Variants in DPP8 observed in about 807,000 individuals in gnomAD.
The protein encoded by DPP8 is dipeptidyl peptidase 8, also known as DPP VIII.
In DPP8, 31 loss-of-function variants were observed where a neutral mutation model predicts 107.5. That is an observed-to-expected ratio of 0.29 (90% CI 0.22 to 0.39). The LOEUF (loss-of-function observed/expected upper bound fraction) is 0.39. Ranked by LOEUF, DPP8 falls within the 10% of genes least tolerant of loss-of-function variation. The probability of loss-of-function intolerance (pLI) is 1.00; values close to 1 mark genes in which losing one functional copy is unlikely to be tolerated. For synonymous variants in DPP8, 381 were observed against 356.6 expected (o/e 1.07, Z -0.77); for missense variants, 842 against 1,076.1 (o/e 0.78, Z 3.04).
rs976792550 is a variant in DPP8, at chr15:65,494,294, G to C, written c.715+3570C>G. On this transcript the variant is annotated intron_variant, in intron 5 of 19. Transcript: ENST00000300141. The stretch of plus-strand genomic sequence containing the variant: ...AAGGCTGGAGTGCAGTGGTGCAACA[G>C]AGCCTGACTATCCATGCTCAAGTGA... Among the ~76,000 whole-genome samples the C allele has an allele frequency of 2.0e-5, 3 of 151,984 alleles. No individual in the cohort carries two copies. The East Asian group carries it at 5.8e-4, about 29-fold the overall frequency.
intron 3 of DPP8, among the ~76,000 whole-genome samples, chr15:65,505,649 G>A (rs950761276): frequency 1.1e-4 from 17 of 151,948 alleles, no homozygotes; most frequent in Non-Finnish European, 2.1e-4. Context: ...CAAATAGTTG[G>A]AGTGAAAATG....
intron 14 of DPP8, 45 bp downstream of exon 14, chr15:65,466,633 A>G: frequency 6.5e-7 from 1 of 1,540,956 alleles, no homozygotes. Flanking sequence ...GTGTACTAAT[A>G]TATTAATCCT....
At position 65,490,249 on chromosome 15, in the gene DPP8, C is replaced by G. The variant is rs2067894640; in HGVS notation, c.766G>C (p.Val256Leu). ...DARSAGVATF[V>L]LQEEFDRYSG... ...TATCTATCAAATTCTTCTTGGAGAA[C>G]AAAGGTAGCGACTCCAGCTGATCTG... Residue 256 changes from valine (V) to leucine (L), a missense_variant, in exon 6 of 20, where the codon GTT (valine) becomes CTT (leucine). By Grantham distance (32) the Val-to-Leu change is conservative. Transcript: ENST00000300141. The G allele has an allele frequency of 6.8e-6, 11 of 1,613,646 alleles. No individual in the cohort carries two copies. The highest frequency in any genetic ancestry group is 8.5e-6 in the Non-Finnish European group (10 of 1,179,622).
chr15:65,466,575 G>T, intron 14 of DPP8, 103 bp downstream of exon 14: 1 of 1,046,978 alleles, frequency 9.6e-7, no homozygotes, highest in Non-Finnish European at 1.5e-6. Flanking sequence ...GCAGTGGTGA[G>T]AGATGGAAAG....
chr15:65,499,925 T>A (rs1250077772), intron 4 of DPP8, among the ~76,000 whole-genome samples: 2 of 151,954 alleles, frequency 1.3e-5, no homozygotes, highest in African/African-American at 4.8e-5. Flanking sequence ...TGAGATAAGG[T>A]TTTGGTCTGT....
At chr15:65,448,911 TATATATATATA>T (rs2063750075) in intron 19 of DPP8, among the ~76,000 whole-genome samples, 1 of 89,110 alleles carries the variant, frequency 1.1e-5, no homozygotes, top group African/African-American at 4.1e-5. Context: ...TATATATATA[TATATATATATA>T]TTTAGCCTGG....
chr15:65,488,589 C>T (rs2067667500), intron 6 of DPP8, among the ~76,000 whole-genome samples: 2 of 110,358 alleles, frequency 1.8e-5, no homozygotes, highest in South Asian at 6.1e-4. Context: ...GCCTGCACAA[C>T]AGAGACCCTG....
rs149516810 is a variant in DPP8 at position 65,484,975 on chromosome 15, A to G, written c.1017+124T>C. On this transcript the variant is annotated intron_variant, in intron 8 of 19. Transcript: ENST00000300141. ...TAAAAAATTAGGTCAATCTAAAATC[A>G]TGATCCACCGATATCTCAGCAAGTT... 280 of 751,786 alleles carry G rather than the reference A, an allele frequency of 3.7e-4. 1 individual carries two copies. In the East Asian group the frequency reaches 6.9e-3, roughly 19 times the overall value. The allele number at this position is 751,786 out of a possible 1,614,324, so 46.6% of individuals were successfully genotyped here.
At chr15:65,504,257 G>A (rs984505792) in intron 3 of DPP8, among the ~76,000 whole-genome samples, 1 of 152,026 alleles carries the variant, frequency 6.6e-6, no homozygotes, top group Non-Finnish European at 1.5e-5. Flanking sequence ...CAGCTACTTG[G>A]GAGGCTGAGG....
intron 11 of DPP8, among the ~76,000 whole-genome samples, chr15:65,477,591 G>A (rs1162828003): frequency 5.5e-5 from 8 of 146,718 alleles, no homozygotes; most frequent in South Asian, 2.2e-4. Context: ...GTGCAGTGGC[G>A]CGATCTCGGC....
At chr15:65,508,178 T>C (rs1165707980) in intron 2 of DPP8, among the ~76,000 whole-genome samples, 1 of 150,108 alleles carries the variant, frequency 6.7e-6, no homozygotes, top group Non-Finnish European at 1.5e-5. Context: ...AGACGGAGAT[T>C]GCAGTGAGCC....
chr15:65,477,537 T>C (rs1315166410), intron 11 of DPP8, among the ~76,000 whole-genome samples: 4 of 150,482 alleles, frequency 2.7e-5, no homozygotes, highest in African/African-American at 9.7e-5. Flanking sequence ...CAATTTTTTT[T>C]TTTTTTTTTT....
At chr15:65,516,709 T>C (rs2141167900) in intron 1 of DPP8, 1 of 152,364 alleles carries the variant, frequency 6.6e-6, no homozygotes, top group South Asian at 2.1e-4. Context: ...AATTCCTTAA[T>C]TTTTAACTCA....
At chr15:65,462,919 T>G (rs74478299) in intron 15 of DPP8, among the ~76,000 whole-genome samples, 9,134 of 152,214 alleles carry the variant, frequency 0.06, 383 homozygotes, top group Non-Finnish European at 0.084. Flanking sequence ...TACTTAACAG[T>G]CATTGGCTAA....
At chr15:65,450,298 T>A (rs1027053330) in intron 19 of DPP8, among the ~76,000 whole-genome samples, 1 of 152,138 alleles carries the variant, frequency 6.6e-6, no homozygotes, top group African/African-American at 2.4e-5. Flanking sequence ...TATTTAAAAA[T>A]TTTCTCAGTT....
At chr15:65,477,986 GA>G (rs1277058725) in intron 11 of DPP8, among the ~76,000 whole-genome samples, 7 of 152,094 alleles carry the variant, frequency 4.6e-5, no homozygotes, top group African/African-American at 1.7e-4. Context: ...GAAAACCCAG[GA>G]AAAGTGTTCT....
intron 12 of DPP8, among the ~76,000 whole-genome samples, chr15:65,469,961 CCAAAGCAAGAGGA>C (rs1384935269): frequency 6.6e-6 from 1 of 151,816 alleles, no homozygotes; most frequent in Non-Finnish European, 1.5e-5. Context: ...CTTTGGGAGG[CCAAAGCAAGAGGA>C]TTGCCTGACG....
intron 1 of DPP8, chr15:65,516,312 T>A (rs2071431733): frequency 6.6e-6 from 1 of 152,270 alleles, no homozygotes; most frequent in Non-Finnish European, 1.5e-5. Flanking sequence ...TTTCACGAGA[T>A]AAACAATTTT....
At chr15:65,471,058 T>G (rs2065850204) in intron 12 of DPP8, among the ~76,000 whole-genome samples, 1 of 152,210 alleles carries the variant, frequency 6.6e-6, no homozygotes, top group African/African-American at 2.4e-5. Flanking sequence ...GGATCAGATG[T>G]ATGCAATTAC....
Sources: gnomAD v4.1 joint callset for allele counts (sites outside exome capture counted in the v4.1 genomes callset) on GRCh38, gnomAD v4.1.1 for gene constraint, MANE v1.5 for transcripts, NCBI Gene and HGNC (gene_info 2026-07-23, HGNC 2026-07-21) for gene names.